DDI2: variants seen among roughly 807,000 people sequenced by gnomAD.
DDI2 encodes DDI proteasomal shuttling factor 2, also known as protein DDI1 homolog 2.
A neutral mutation model predicts 48.1 loss-of-function variants in DDI2; 5 were observed. The ratio of observed to expected loss-of-function variants is 0.10; its 90% CI spans 0.05 to 0.22. DDI2 has a LOEUF of 0.22. DDI2 is among the 10% of genes least tolerant of loss of function. The pLI, the probability that DDI2 is intolerant of heterozygous loss-of-function variation, is 1.00. For synonymous variants in DDI2, 205 were observed against 183.6 expected (o/e 1.12, Z -0.94); for missense variants, 285 against 506.2 (o/e 0.56, Z 4.19).
At position 15,626,806 on chromosome 1, in the gene DDI2, A is replaced by G; in HGVS notation, c.268+8A>G. Reference sequence around the variant, plus strand: ...CTCCAGTGCAGTTCCCAAGTAAGACATCTGGTGGTTGAGCATCCCCCAGCA... The same window carrying G: ...CTCCAGTGCAGTTCCCAAGTAAGACGTCTGGTGGTTGAGCATCCCCCAGCA... On this transcript the variant is annotated splice_region_variant and intron_variant, in intron 2 of 9. Coordinates refer to ENST00000480945, the MANE Select transcript of DDI2 (RefSeq NM_032341.5). 2.5e-6 allele frequency: 4 copies of G among 1,614,134 alleles called. No individual in the cohort carries two copies. Among genetic ancestry groups the G allele is most frequent in the South Asian group, 1.1e-5 (1 of 91,082 alleles).
chr1:15,647,715 A>G (rs1253598312), intron 6 of DDI2, among the ~76,000 whole-genome samples: 2 of 152,096 alleles, frequency 1.3e-5, no homozygotes, highest in African/African-American at 4.8e-5. Flanking sequence ...AAATCCTAGC[A>G]CTTTGAGAGG....
chr1:15,664,675 A>C lies in DDI2; in HGVS notation c.*4885A>C, dbSNP rs949551823. The C allele has an allele frequency of 6.6e-6, 1 of 152,204 alleles. No individual in the cohort carries two copies. The highest frequency in any genetic ancestry group is 1.5e-5 in the Non-Finnish European group (1 of 68,044). The allele number at this position is 152,204 out of a possible 1,614,324, so 9.4% of individuals were successfully genotyped here. A position where few individuals can be genotyped will look rare whatever the true frequency, so the allele number is the denominator to read the frequency against. The stretch of plus-strand genomic sequence containing the variant: ...CCAGTAATGGGCACCTTTACCGGAC[A>C]GCTCCTTTACCATAACCAGTAGTGG... On this transcript the variant is annotated 3_prime_UTR_variant, in exon 10 of 10. Transcript: ENST00000480945.
intron 4 of DDI2, chr1:15,633,815 C>A (rs141501858): frequency 1.2e-4 from 59 of 499,718 alleles, no homozygotes; most frequent in Non-Finnish European, 2.2e-4. Flanking sequence ...CCCTGACTAG[C>A]AGACAGAGCA....
intron 8 of DDI2, among the ~76,000 whole-genome samples, chr1:15,652,164 TC>T (rs986229553): frequency 2.7e-5 from 4 of 149,134 alleles, no homozygotes; most frequent in African/African-American, 1.0e-4. Context: ...ACCCTTGACT[TC>T]CTGGGCTCAA....
intron 9 of DDI2, among the ~76,000 whole-genome samples, chr1:15,657,706 A>C (rs1226059148): frequency 6.6e-6 from 1 of 152,232 alleles, no homozygotes; most frequent in Non-Finnish European, 1.5e-5. Flanking sequence ...ATTTCACTAC[A>C]GTGCATTGTT....
At chr1:15,653,721 TC>T (rs1223755443) in intron 8 of DDI2, among the ~76,000 whole-genome samples, 2 of 152,074 alleles carry the variant, frequency 1.3e-5, no homozygotes, top group Non-Finnish European at 2.9e-5. Context: ...GGTCTTGAAC[TC>T]CTGGGCTCAA....
chr1:15,648,833 T>TG (rs1640130285), intron 6 of DDI2, among the ~76,000 whole-genome samples: 1 of 37,114 alleles, frequency 2.7e-5, no homozygotes, highest in Non-Finnish European at 4.7e-5. Flanking sequence ...AGACCCTGTC[T>TG]CAAAAAAAAA....
intron 6 of DDI2, among the ~76,000 whole-genome samples, chr1:15,647,584 C>T (rs2103475587): frequency 6.6e-6 from 1 of 152,248 alleles, no homozygotes; most frequent in Admixed American, 6.5e-5. Flanking sequence ...TGTTGCTAAC[C>T]TGTACCAATC....
chr1:15,633,579 C>T lies in DDI2; in HGVS notation c.632+14C>T. The T allele has an allele frequency of 1.2e-6, 2 of 1,608,522 alleles. No homozygotes were observed. The highest frequency in any genetic ancestry group is 8.5e-7 in the Non-Finnish European group (1 of 1,177,170). On this transcript the variant is annotated intron_variant, in intron 4 of 9. Transcript: ENST00000480945. ...AGAAGATATAAGGTAAAGACCTGTT[C>T]ATCTAAAGAACAAAACTTAGAGACT... is the stretch of plus-strand genomic sequence containing the variant.
At position 15,665,776 on chromosome 1, in the gene DDI2, C is replaced by A. The variant is rs926442378; in HGVS notation, c.*5986C>A. 1 of 152,108 alleles carries A rather than the reference C, an allele frequency of 6.6e-6. No individual in the cohort carries two copies. The highest frequency in any genetic ancestry group is 2.4e-5 in the African/African-American group (1 of 41,430). The allele number at this position is 152,108 out of a possible 1,614,324, so 9.4% of individuals were successfully genotyped here. ...TGCAAATCATCGGCCAGAAAAGCTG[C>A]AGGGCGTTGCAATGGCCTTTTCCTA... is the stretch of plus-strand genomic sequence containing the variant. On this transcript the variant is annotated 3_prime_UTR_variant, in exon 10 of 10. Coordinates refer to ENST00000480945, the MANE Select transcript of DDI2 (RefSeq NM_032341.5).
At chr1:15,643,775 T>C in intron 6 of DDI2, 125 bp downstream of exon 6, 1 of 1,368,732 alleles carries the variant, frequency 7.3e-7, no homozygotes, top group African/African-American at 1.5e-5. Flanking sequence ...ATTTCTTTTG[T>C]GTGGGTATGT....
At chr1:15,653,963 G>A (rs983965363) in intron 8 of DDI2, among the ~76,000 whole-genome samples, 2 of 152,130 alleles carry the variant, frequency 1.3e-5, no homozygotes, top group Non-Finnish European at 2.9e-5. Flanking sequence ...AGTTTTCTAG[G>A]TAAAATGGGG....
chr1:15,623,556 G>GCTTCTTCTTCTTCTTCTTCTTCTT (rs140856838), intron 1 of DDI2, among the ~76,000 whole-genome samples: 23 of 141,604 alleles, frequency 1.6e-4, no homozygotes, highest in East Asian at 8.1e-4. Context: ...ACCATGCCTG[G>GCTTCTTCTTCTTCTTCTTCTTCTT]CTTATTATTA....
Position 15,617,588 on chromosome 1 carries a change from A to G in DDI2, c.-83A>G. ...GCCGGCGCCGTCCTCCCGCAGCACC[A>G]GCCAGGCCACGCCGCCGCCTCTTCC... On this transcript the variant is annotated 5_prime_UTR_variant, in exon 1 of 10. Transcript: ENST00000480945. 3 of 1,189,230 alleles carry G rather than the reference A, an allele frequency of 2.5e-6. No homozygotes were observed. The highest frequency in any genetic ancestry group is 3.2e-6 in the Non-Finnish European group (3 of 939,152). 73.7% of individuals were successfully genotyped at this position (1,189,230 alleles called of 1,614,324 possible). A position where few individuals can be genotyped will look rare whatever the true frequency, so the allele number is the denominator to read the frequency against.
chr1:15,653,393 T>TCGCCTC (rs918882190), intron 8 of DDI2, among the ~76,000 whole-genome samples: 1 of 151,968 alleles, frequency 6.6e-6, no homozygotes, highest in Non-Finnish European at 1.5e-5. Context: ...GCAGATCCTC[T>TCGCCTC]CGCCTCCGCC....
At chr1:15,639,310 T>G (rs962727968) in intron 5 of DDI2, among the ~76,000 whole-genome samples, 1 of 152,086 alleles carries the variant, frequency 6.6e-6, no homozygotes, top group Non-Finnish European at 1.5e-5. Flanking sequence ...CTGGGTTGTC[T>G]CACTCAAGGC....
At chr1:15,646,106 A>G (rs1031635905) in intron 6 of DDI2, among the ~76,000 whole-genome samples, 6 of 152,196 alleles carry the variant, frequency 3.9e-5, no homozygotes, top group Non-Finnish European at 8.8e-5. Flanking sequence ...CACCCTCTCC[A>G]GAAAATAAGC....
chr1:15,653,915 T>C (rs539729742), intron 8 of DDI2, among the ~76,000 whole-genome samples: 3 of 152,216 alleles, frequency 2.0e-5, no homozygotes, highest in Non-Finnish European at 2.9e-5. Context: ...TTTCTAAGTC[T>C]CAGTTATTTA....
At chr1:15,650,542 G>C (rs992560355) in intron 7 of DDI2, among the ~76,000 whole-genome samples, 3 of 152,046 alleles carry the variant, frequency 2.0e-5, no homozygotes, top group Non-Finnish European at 4.4e-5. Flanking sequence ...GCCAGAATGA[G>C]TTTGAAACCA....
Sources: allele counts gnomAD v4.1 joint callset (sites outside exome capture counted in the v4.1 genomes callset), GRCh38; gene constraint gnomAD v4.1.1; transcripts MANE v1.5; gene names NCBI Gene and HGNC (gene_info 2026-07-23, HGNC 2026-07-21).